Variants in PSMB7 observed in about 807,000 individuals in gnomAD.
PSMB7 encodes proteasome subunit beta type-7.
In PSMB7, 5 loss-of-function variants were observed where a neutral mutation model predicts 28.1. The ratio of observed to expected loss-of-function variants is 0.18; its 90% CI spans 0.09 to 0.37. The LOEUF (loss-of-function observed/expected upper bound fraction) is 0.37. Among genes scored for constraint, PSMB7 ranks in the 10% least tolerant of loss-of-function variants. The pLI, the probability that PSMB7 is intolerant of heterozygous loss-of-function variation, is 1.00. For missense variants in PSMB7, 275 were observed against 346.2 expected (o/e 0.79, Z 1.63); for synonymous variants, 122 against 123.7 (o/e 0.99, Z 0.09).
chr9:124,356,596 G>A lies in PSMB7; in HGVS notation c.722+168C>T, dbSNP rs1830409874. 6.6e-6 allele frequency among the ~76,000 whole-genome samples: 1 copy of A among 152,184 alleles called. No homozygotes were observed. Among genetic ancestry groups the A allele is most frequent in the Admixed American group, 6.5e-5 (1 of 15,280 alleles). On this transcript the variant is annotated intron_variant, in intron 7 of 7. Coordinates refer to ENST00000259457, the MANE Select transcript of PSMB7 (RefSeq NM_002799.4). This position sits in a 1 kb window ranked among gnomAD's most constrained non-coding sequence, Gnocchi z 4.4. Reference sequence around the variant, plus strand: ...TTCCTACACCTGACAGCAGCCCACTGTCATAAAGCAAGTAACAAGCCGAAG... The same window carrying A: ...TTCCTACACCTGACAGCAGCCCACTATCATAAAGCAAGTAACAAGCCGAAG...
At chr9:124,400,536 ACT>A (rs1830892036) in intron 5 of PSMB7, among the ~76,000 whole-genome samples, 1 of 151,934 alleles carries the variant, frequency 6.6e-6, no homozygotes, top group South Asian at 2.1e-4. Flanking sequence ...CCCATGAGGA[ACT>A]CTCTGGTGGT....
chr9:124,387,291 C>T (rs1830734465), intron 5 of PSMB7, among the ~76,000 whole-genome samples: 1 of 152,088 alleles, frequency 6.6e-6, no homozygotes, highest in Admixed American at 6.5e-5. Flanking sequence ...TGCCTAGAAA[C>T]AATATTACAG....
chr9:124,387,308 T>A (rs1182916164), intron 5 of PSMB7, among the ~76,000 whole-genome samples: 1 of 152,128 alleles, frequency 6.6e-6, no homozygotes, highest in South Asian at 2.1e-4. Flanking sequence ...ACAGACAAAA[T>A]TTCTATAAGT....
chr9:124,396,494 C>T (rs1830845032), intron 5 of PSMB7, among the ~76,000 whole-genome samples: 1 of 152,108 alleles, frequency 6.6e-6, no homozygotes, highest in Non-Finnish European at 1.5e-5. Context: ...GCTCAGAGGC[C>T]CTGTAAACTG....
At chr9:124,354,735 G>C (rs1232618930) in intron 7 of PSMB7, among the ~76,000 whole-genome samples, 1 of 152,122 alleles carries the variant, frequency 6.6e-6, no homozygotes, top group Non-Finnish European at 1.5e-5. Context: ...CCATCAGTTT[G>C]AGGATGCCCC....
At chr9:124,412,235 G>T in intron 4 of PSMB7, 117 bp downstream of exon 4, 1 of 1,081,300 alleles carries the variant, frequency 9.2e-7, no homozygotes, top group Non-Finnish European at 1.3e-6. Flanking sequence ...ACTGATTTCC[G>T]GAACAAAATG....
At chr9:124,383,167 T>C (rs1371284121) in intron 6 of PSMB7, among the ~76,000 whole-genome samples, 2 of 152,214 alleles carry the variant, frequency 1.3e-5, no homozygotes, top group Non-Finnish European at 2.9e-5. Context: ...TCCTATTTTT[T>C]CTCTGTATTT....
chr9:124,405,272 G>T, intron 5 of PSMB7, 45 bp downstream of exon 5: 1 of 1,323,652 alleles, frequency 7.6e-7, no homozygotes, highest in African/African-American at 1.5e-5. Context: ...AGACCATCGT[G>T]GTAAGTAAGA....
At chr9:124,389,400 C>T (rs1830761406) in intron 5 of PSMB7, among the ~76,000 whole-genome samples, 1 of 152,206 alleles carries the variant, frequency 6.6e-6, no homozygotes, top group Non-Finnish European at 1.5e-5. Context: ...GTACCCAGTA[C>T]TGCTTCCAGA....
intron 6 of PSMB7, among the ~76,000 whole-genome samples, chr9:124,357,505 T>TG (rs35017772): frequency 6.6e-6 from 1 of 152,232 alleles, no homozygotes; most frequent in African/African-American, 2.4e-5. Context: ...GGGGAAATGC[T>TG]GGCAGACCAA....
At chr9:124,369,192 A>T (rs1037558922) in intron 6 of PSMB7, among the ~76,000 whole-genome samples, 2 of 152,230 alleles carry the variant, frequency 1.3e-5, no homozygotes, top group Admixed American at 1.3e-4. Context: ...GTGGAATTTT[A>T]AAATATCTAT....
At chr9:124,400,679 C>CTGCTATA (rs1346397392) in intron 5 of PSMB7, among the ~76,000 whole-genome samples, 1 of 152,218 alleles carries the variant, frequency 6.6e-6, no homozygotes, top group Non-Finnish European at 1.5e-5. Context: ...TTGTGAGCCA[C>CTGCTATA]CTGCTATACT....
At chr9:124,383,953 G>C (rs910289613) in intron 6 of PSMB7, 2 of 152,226 alleles carry the variant, frequency 1.3e-5, no homozygotes, top group Non-Finnish European at 2.9e-5. Flanking sequence ...CATTTGTCCT[G>C]AAGATGTAGG....
At chr9:124,390,677 G>A (rs569152307) in intron 5 of PSMB7, among the ~76,000 whole-genome samples, 77 of 152,036 alleles carry the variant, frequency 5.1e-4, no homozygotes, top group African/African-American at 1.8e-3. Flanking sequence ...ATTTCTGGGT[G>A]GTGCTATTTT....
chr9:124,354,775 C>T (rs1017852251), intron 7 of PSMB7, among the ~76,000 whole-genome samples: 7 of 152,208 alleles, frequency 4.6e-5, no homozygotes, highest in East Asian at 1.9e-4. Context: ...ACCTTGGTGG[C>T]AGCGTGCAGT....
intron 7 of PSMB7, among the ~76,000 whole-genome samples, chr9:124,354,838 C>T (rs1378009643): frequency 6.6e-6 from 1 of 152,230 alleles, no homozygotes; most frequent in African/African-American, 2.4e-5. Flanking sequence ...TCTGAACCAC[C>T]CCTCAGTGTC....
rs1588565050 is a variant in PSMB7 at position 124,356,306 on chromosome 9, G to A, written c.722+458C>T. On this transcript the variant is annotated intron_variant, in intron 7 of 7. Coordinates refer to ENST00000259457, the MANE Select transcript of PSMB7 (RefSeq NM_002799.4). The surrounding 1 kb of genome is among the most constrained non-coding windows in gnomAD (Gnocchi z 4.4). ...CTCAGGCTCAATGGCACAACTCCCT[G>A]TAGCACAGCACACACACACTAGCTC... Among the ~76,000 whole-genome samples the A allele has an allele frequency of 6.6e-6, 1 of 152,218 alleles. No individual in the cohort carries two copies. Among genetic ancestry groups the A allele is most frequent in the East Asian group, 1.9e-4 (1 of 5,192 alleles).
At chr9:124,412,597 T>C in intron 3 of PSMB7, 105 bp from the exon 4 acceptor site, 2 of 1,187,312 alleles carry the variant, frequency 1.7e-6, no homozygotes, top group East Asian at 2.5e-5. Context: ...TACAGAGAGA[T>C]GTTTTTGAGT....
chr9:124,378,865 T>A (rs1001682725), intron 6 of PSMB7, among the ~76,000 whole-genome samples: 3 of 152,242 alleles, frequency 2.0e-5, no homozygotes, highest in African/African-American at 7.2e-5. Flanking sequence ...TCAAACTCCT[T>A]ATTTTTAACT....
Sources: gnomAD v4.1 joint callset for allele counts (sites outside exome capture counted in the v4.1 genomes callset) on GRCh38, gnomAD v4.1.1 for gene constraint, Gnocchi (gnomAD v3.1) non-coding constraint, MANE v1.5 for transcripts, NCBI Gene and HGNC (gene_info 2026-07-23, HGNC 2026-07-21) for gene names.